NLRP9: variants seen among roughly 807,000 people sequenced by gnomAD.
NLRP9 encodes NACHT, LRR and PYD domains-containing protein 9.
In NLRP9, 88 loss-of-function variants were observed where a neutral mutation model predicts 83.1. The observed-to-expected ratio is 1.06, with a 90% CI of 0.89 to 1.26. The LOEUF (loss-of-function observed/expected upper bound fraction) is 1.26, where lower values mean the gene tolerates loss of function less well. Ranked by LOEUF, NLRP9 falls within the 50% of genes most tolerant of loss-of-function variation. The pLI is 0.00. For synonymous variants in NLRP9, 521 were observed against 447.6 expected, an observed-to-expected ratio of 1.16 and a Z score of -2.07; for missense variants, 1,308 against 1,179.3, an observed-to-expected ratio of 1.11 and a Z score of -1.60.
chr19:55,724,840 A>C (rs1600136695), intron 3 of NLRP9, among the ~76,000 whole-genome samples: 1 of 152,158 alleles, frequency 6.6e-6, no homozygotes, highest in Non-Finnish European at 1.5e-5. Context: ...GGCAGATCAC[A>C]TGAGGTCAGG....
At chr19:55,733,924 T>C (rs999660515) in intron 1 of NLRP9, among the ~76,000 whole-genome samples, 1 of 134,724 alleles carries the variant, frequency 7.4e-6, no homozygotes, top group Non-Finnish European at 1.5e-5. Flanking sequence ...ACCAAATTTT[T>C]TTTTTTTTTT....
At chr19:55,711,492 T>C in intron 8 of NLRP9, 2 of 1,349,246 alleles carry the variant, frequency 1.5e-6, no homozygotes, top group Non-Finnish European at 1.9e-6. Flanking sequence ...AGATGTTTTA[T>C]AGAGCAGTGG....
intron 3 of NLRP9, 71 bp from the exon 4 acceptor site, chr19:55,724,215 G>T: frequency 4.8e-6 from 5 of 1,046,704 alleles, no homozygotes; most frequent in Non-Finnish European, 5.6e-6. Context: ...CCTCTTGTAC[G>T]ATTCTTCCTG....
chr19:55,728,773 G>A (rs1365919560), intron 3 of NLRP9, among the ~76,000 whole-genome samples: 2 of 152,164 alleles, frequency 1.3e-5, no homozygotes, highest in African/African-American at 2.4e-5. Flanking sequence ...AGCATAGCAA[G>A]TCTTCCGTGA....
At chr19:55,713,739 T>TC (rs1434355751) in intron 6 of NLRP9, among the ~76,000 whole-genome samples, 65 of 114 alleles carry the variant, frequency 0.57, 12 homozygotes, top group Non-Finnish European at 0.69. Flanking sequence ...TCTTCCCCCC[T>TC]CCTCCCCACC....
chr19:55,733,300 G>C lies in NLRP9; in HGVS notation c.531C>G (p.Asp177Glu), dbSNP rs1264352938. 6.2e-7 allele frequency: 1 copy of C among 1,613,954 alleles called. No homozygotes were observed. Among genetic ancestry groups the C allele is most frequent in the East Asian group, 2.2e-5 (1 of 44,884 alleles). ...TGAGGAAAAACACAAATGTGAACCT[G>C]TCCTTCCATAAGTTTCCCTCTGCCC... ...LDWAEGNLWK[D>E]RFTFVFFLNV... The change falls in exon 2 of 9, where the codon GAC (aspartate) becomes GAG (glutamate). Residue 177 changes from aspartate to glutamate, a missense_variant. Physicochemically the swap from Asp to Glu is conservative, Grantham distance 45. Coordinates refer to ENST00000332836, the MANE Select transcript of NLRP9 (RefSeq NM_176820.4).
rs2122330857 is a variant in NLRP9, at chr19:55,732,249, C to T, written c.1582G>A (p.Glu528Lys). ...TCAGCTTCACATTGACTTAAACTTT[C>T]AAGGCATTGGGTTATTTCCTGCTTT... Reference protein sequence around the residue: ...DLKQEITQCLESLSQCEADRE... With the variant: ...DLKQEITQCLKSLSQCEADRE... The change falls in exon 2 of 9, where the codon GAA becomes AAA. Residue 528 changes from glutamate to lysine, a missense_variant. Physicochemically the swap from Glu to Lys is moderately conservative, Grantham distance 56 (BLOSUM62 1). Transcript: ENST00000332836. 6.2e-7 allele frequency: 1 copy of T among 1,614,092 alleles called. No homozygotes were observed. The highest frequency in any genetic ancestry group is 1.7e-5 in the Admixed American group (1 of 60,020).
At chr19:55,737,274 G>C (rs1988808927) in intron 1 of NLRP9, 1 of 152,234 alleles carries the variant, frequency 6.6e-6, no homozygotes, top group African/African-American at 2.4e-5. Flanking sequence ...TATGCAGAAA[G>C]AATGCTTCCA....
intron 3 of NLRP9, among the ~76,000 whole-genome samples, chr19:55,729,053 T>C (rs910631149): frequency 2.4e-4 from 33 of 134,824 alleles, no homozygotes; most frequent in Non-Finnish European, 3.9e-4. Flanking sequence ...TCTTTTTCTT[T>C]TTTTTTTTTT....
intron 1 of NLRP9, among the ~76,000 whole-genome samples, chr19:55,734,566 TAC>T (rs1224171301): frequency 2.0e-5 from 3 of 147,934 alleles, no homozygotes; most frequent in African/African-American, 5.0e-5. Flanking sequence ...CACACATATA[TAC>T]ACACATATAC....
chr19:55,727,062 G>T (rs1045920009), intron 3 of NLRP9, among the ~76,000 whole-genome samples: 1 of 152,056 alleles, frequency 6.6e-6, no homozygotes, highest in Non-Finnish European at 1.5e-5. Context: ...AGACCAGCCC[G>T]GCCAACATAG....
chr19:55,724,092 G>T lies in NLRP9; in HGVS notation c.2047C>A (p.His683Asn), dbSNP rs780947756. The T allele has an allele frequency of 3.5e-5, 57 of 1,613,242 alleles. No homozygotes were observed. The Middle Eastern group carries it at 3.0e-3, about 84-fold the overall frequency. The stretch of plus-strand genomic sequence containing the variant: ...CTCAGAAGTTTCAGATGAGGGTTGT[G>T]AAGAACTGCCTTAAATAATTCTGAA... ...HDSELFKAVLHNPHLKLLSLY... is the reference protein window; with the variant it reads ...HDSELFKAVLNNPHLKLLSLY... The change falls in exon 4 of 9, where the codon CAC becomes AAC. Residue 683 changes from histidine (H) to asparagine (N), a missense_variant. His to Asn is a moderately conservative substitution (Grantham distance 68, BLOSUM62 1). Transcript: ENST00000332836.
intron 7 of NLRP9, 53 bp downstream of exon 7, chr19:55,712,367 C>T (rs549087655): frequency 1.4e-6 from 2 of 1,479,164 alleles, no homozygotes; most frequent in Admixed American, 1.7e-5. Flanking sequence ...TCCAGCAATT[C>T]CTATTCTTGA....
At chr19:55,725,917 T>C (rs1988387133) in intron 3 of NLRP9, among the ~76,000 whole-genome samples, 2 of 151,424 alleles carry the variant, frequency 1.3e-5, no homozygotes, top group Non-Finnish European at 2.9e-5. Context: ...TCCCAGCTAC[T>C]GGGGAGGCTG....
At position 55,716,754 on chromosome 19, in the gene NLRP9, G is replaced by A. The variant is rs747463587; in HGVS notation, c.2304C>T (p.His768=). ...TCAGCCTCTCCAGGGCACAGTGTGAGTGCTTCAGGGCTTCACACAGCAACG... is the reference window on the plus strand; with the variant it reads ...TCAGCCTCTCCAGGGCACAGTGTGAATGCTTCAGGGCTTCACACAGCAACG... ...GMTLLCEALK[H]SHCALERLML... The change falls in exon 5 of 9, where the codon CAC becomes CAT. Residue 768 remains histidine (H), a synonymous_variant. Transcript: ENST00000332836. 6.2e-6 allele frequency: 10 copies of A among 1,613,888 alleles called. 1 individual carries two copies. The South Asian group carries it at 9.9e-5, about 16-fold the overall frequency.
intron 3 of NLRP9, among the ~76,000 whole-genome samples, chr19:55,726,621 T>G (rs1203516541): frequency 6.6e-6 from 1 of 152,196 alleles, no homozygotes. Context: ...TATTATCACT[T>G]TTTCTCAAGT....
intron 3 of NLRP9, among the ~76,000 whole-genome samples, chr19:55,726,995 A>T (rs954057902): frequency 2.0e-5 from 3 of 152,228 alleles, no homozygotes; most frequent in Admixed American, 2.0e-4. Flanking sequence ...GGACTTGTGT[A>T]AAATATCAAT....
At chr19:55,716,944 G>T in intron 4 of NLRP9, 46 bp from the exon 5 acceptor site, 1 of 1,536,392 alleles carries the variant, frequency 6.5e-7, no homozygotes, top group Non-Finnish European at 9.0e-7. Context: ...GCTTTCAATC[G>T]CTCATGAAAC....
At chr19:55,709,102 T>G (rs1987588560) in intron 8 of NLRP9, 58 bp from the exon 9 acceptor site, 1 of 1,262,932 alleles carries the variant, frequency 7.9e-7, no homozygotes, top group Non-Finnish European at 1.1e-6. Context: ...CAGTATTGCC[T>G]CTCTACATTC....
Sources: allele counts gnomAD v4.1 joint callset (sites outside exome capture counted in the v4.1 genomes callset), GRCh38; gene constraint gnomAD v4.1.1; transcripts MANE v1.5; gene names NCBI Gene and HGNC (gene_info 2026-07-23, HGNC 2026-07-21).